Variants in SOS2 observed in about 807,000 individuals in gnomAD.
SOS2 encodes the protein son of sevenless homolog 2.
SOS2 carries 65 observed loss-of-function variants against 148.2 expected under a neutral mutation model. That is an observed-to-expected ratio of 0.44 (90% confidence interval 0.36 to 0.54). The LOEUF is 0.54. Among genes scored for constraint, SOS2 ranks in the 20% least tolerant of loss-of-function variants. SOS2 has a pLI of 0.00. For synonymous variants in SOS2, 539 were observed against 537.1 expected (o/e 1.00, Z -0.05); for missense variants, 1,341 against 1,590.2 (o/e 0.84, Z 2.67).
chr14:50,174,884 T>TA (rs1211521961), intron 7 of SOS2, among the ~76,000 whole-genome samples: 1 of 152,246 alleles, frequency 6.6e-6, no homozygotes, highest in Non-Finnish European at 1.5e-5. Context: ...TAAAATGTTT[T>TA]AAATTTAAAT....
intron 7 of SOS2, among the ~76,000 whole-genome samples, chr14:50,175,428 CTTTTTTTT>C (rs71441277): frequency 8.3e-6 from 1 of 119,870 alleles, no homozygotes; most frequent in Non-Finnish European, 1.7e-5. Context: ...AGGAGTAATA[CTTTTTTTT>C]TTTTTTTTTT....
At chr14:50,204,895 T>C (rs1393286563) in intron 1 of SOS2, among the ~76,000 whole-genome samples, 2 of 31,618 alleles carry the variant, frequency 6.3e-5, no homozygotes, top group Non-Finnish European at 1.4e-4. Flanking sequence ...TTTTTCTTTT[T>C]TTTTCTTTCT....
At chr14:50,179,356 A>G (rs1393815475) in intron 7 of SOS2, among the ~76,000 whole-genome samples, 1 of 152,112 alleles carries the variant, frequency 6.6e-6, no homozygotes, top group Non-Finnish European at 1.5e-5. Context: ...ACCATATTCA[A>G]ACGTCAAGGG....
At chr14:50,146,322 A>C (rs1225679617) in intron 14 of SOS2, among the ~76,000 whole-genome samples, 1 of 151,998 alleles carries the variant, frequency 6.6e-6, no homozygotes, top group Non-Finnish European at 1.5e-5. Context: ...ACTCTTAAGT[A>C]TGCATATACC....
chr14:50,217,496 C>T (rs1011427587), intron 1 of SOS2, among the ~76,000 whole-genome samples: 6 of 151,926 alleles, frequency 3.9e-5, no homozygotes, highest in African/African-American at 1.2e-4. Context: ...ATCAGGAGTT[C>T]GAGACCAGCC....
intron 8 of SOS2, among the ~76,000 whole-genome samples, chr14:50,171,689 A>G (rs973167286): frequency 5.9e-3 from 26 of 4,384 alleles, no homozygotes; most frequent in Non-Finnish European, 0.014. Context: ...TCTCAAAAAA[A>G]AAAAAAAAAA....
chr14:50,205,884 C>T (rs976604721), intron 1 of SOS2, among the ~76,000 whole-genome samples: 1 of 147,172 alleles, frequency 6.8e-6, no homozygotes, highest in African/African-American at 2.5e-5. Context: ...CGCACCACTG[C>T]ACTCCAGCCT....
chr14:50,210,919 C>T (rs999217302), intron 1 of SOS2, among the ~76,000 whole-genome samples: 7 of 152,170 alleles, frequency 4.6e-5, no homozygotes, highest in Admixed American at 2.6e-4. Flanking sequence ...GCAATGGGAA[C>T]GATCACACAC....
chr14:50,158,532 TGTC>T (rs755152259), intron 11 of SOS2, 30 bp downstream of exon 11: 1 of 1,305,332 alleles, frequency 7.7e-7, no homozygotes, highest in Non-Finnish European at 1.1e-6. Context: ...TTTCACAAAA[TGTC>T]AATATAACTG....
At chr14:50,148,719 G>A (rs1594972914) in intron 14 of SOS2, among the ~76,000 whole-genome samples, 1 of 152,102 alleles carries the variant, frequency 6.6e-6, no homozygotes, top group South Asian at 2.1e-4. Flanking sequence ...TGCGCTAAAA[G>A]TCTGGTTCTG....
intron 8 of SOS2, among the ~76,000 whole-genome samples, chr14:50,166,662 G>A (rs190168267): frequency 6.6e-6 from 1 of 152,130 alleles, no homozygotes; most frequent in East Asian, 1.9e-4. Context: ...TCTTAACTCT[G>A]TATGAGAATT....
chr14:50,150,388 G>C (rs765597232), intron 13 of SOS2, among the ~76,000 whole-genome samples, 158 bp from the exon 14 acceptor site: 5 of 151,938 alleles, frequency 3.3e-5, no homozygotes, highest in African/African-American at 4.8e-5. Flanking sequence ...TCACTTCCTA[G>C]GTTATTCTGA....
At chr14:50,160,270 G>T (rs562223790) in intron 9 of SOS2, among the ~76,000 whole-genome samples, 184 bp from the exon 10 acceptor site, 6 of 150,822 alleles carry the variant, frequency 4.0e-5, no homozygotes, top group African/African-American at 1.5e-4. Context: ...TGAAAGAGAA[G>T]TACTACTGGC....
intron 14 of SOS2, 119 bp downstream of exon 14, chr14:50,149,889 G>C: frequency 1.4e-6 from 1 of 727,174 alleles, no homozygotes; most frequent in Middle Eastern, 3.1e-4. Context: ...TTTCCTCTAA[G>C]CCCATGAGAG....
At chr14:50,201,531 A>T (rs545201725) in intron 2 of SOS2, among the ~76,000 whole-genome samples, 1 of 41,898 alleles carries the variant, frequency 2.4e-5, no homozygotes, top group South Asian at 5.8e-4. Context: ...GACCCCCAAC[A>T]GAAAAAAAAA....
At position 50,160,379 on chromosome 14, in the gene SOS2, C is replaced by CT. The variant is rs200021758; in HGVS notation, c.1197-294dup. Among the ~76,000 whole-genome samples, 325 of 78,838 alleles carry CT rather than the reference C, an allele frequency of 4.1e-3. 26 individuals are homozygous for CT. Among genetic ancestry groups the CT allele is most frequent in the Middle Eastern group, 0.011 (1 of 90 alleles). 51.7% of individuals were successfully genotyped at this position (78,838 alleles called of 152,430 possible). On this transcript the variant is annotated intron_variant, in intron 9 of 22. Transcript: ENST00000216373. ...ATCCTAATAATATAACAATGCTAAT[C>CT]TTTTTTTTTTTTTTTTTTTTTTTTT...
rs1447296951 is a variant in SOS2, at chr14:50,163,683, T to C, written c.1069-2074A>G. ...AAGTTACTGGCAAAATCACTTATTT[T>C]GCTGCTTTAAAGATTTCTTACAGAA... On this transcript the variant is annotated intron_variant, in intron 8 of 22. Transcript: ENST00000216373. Among the ~76,000 whole-genome samples the C allele has an allele frequency of 3.9e-5, 6 of 152,240 alleles. No individual in the cohort carries two copies. The South Asian group carries it at 8.3e-4, about 21-fold the overall frequency.
rs1277310984 is a variant in SOS2 at position 50,143,407 on chromosome 14, A to G, written c.2667+1763T>C. On this transcript the variant is annotated intron_variant, in intron 16 of 22. Coordinates refer to ENST00000216373, the MANE Select transcript of SOS2 (RefSeq NM_006939.4). ...GAGAGGCAATGAATACATAAATCAT[A>G]AAGTACCCAATAAATACATATTCAA... Among the ~76,000 whole-genome samples the G allele has an allele frequency of 3.9e-5, 6 of 152,152 alleles. No homozygotes were observed. In the East Asian group the frequency reaches 1.2e-3, roughly 29 times the overall value.
chr14:50,205,330 C>A (rs1421485800), intron 1 of SOS2, among the ~76,000 whole-genome samples: 12 of 152,116 alleles, frequency 7.9e-5, no homozygotes, highest in Admixed American at 7.9e-4. Context: ...GAGATTATAG[C>A]ATGAGCCACT....
Sources: allele counts gnomAD v4.1 joint callset (sites outside exome capture counted in the v4.1 genomes callset), GRCh38; gene constraint gnomAD v4.1.1; transcripts MANE v1.5; gene names NCBI Gene and HGNC (gene_info 2026-07-23, HGNC 2026-07-21).